The following TFDP2 variants were observed in gnomAD, a reference collection of about 807,000 sequenced individuals.
The protein encoded by TFDP2 is transcription factor Dp-2 (E2F dimerization partner 2).
Under a neutral mutation model 59.3 loss-of-function variants are expected in TFDP2, and 17 were observed. That is an observed-to-expected ratio of 0.29 (90% CI 0.20 to 0.43). The LOEUF (loss-of-function observed/expected upper bound fraction) is 0.43. TFDP2 is among the 20% of genes least tolerant of loss of function. The probability of loss-of-function intolerance (pLI) is 1.00; values close to 1 mark genes in which losing one functional copy is unlikely to be tolerated. For missense variants in TFDP2, 391 were observed against 528.8 expected, an observed-to-expected ratio of 0.74 and a Z score of 2.56; for synonymous variants, 180 against 194.7, an observed-to-expected ratio of 0.92 and a Z score of 0.63.
intron 2 of TFDP2, among the ~76,000 whole-genome samples, chr3:142,096,340 T>C (rs1200514737): frequency 1.3e-5 from 2 of 152,212 alleles, no homozygotes; most frequent in Non-Finnish European, 2.9e-5. Context: ...GTAGAAAAAG[T>C]TGGCTAGCGA....
rs60581045 is a variant in TFDP2 at position 142,075,906 on chromosome 3, CA to C, written c.82+17154del. Among the ~76,000 whole-genome samples the C allele has an allele frequency of 4.1e-3, 328 of 80,690 alleles. 1 individual carries two copies. The highest frequency in any genetic ancestry group is 9.4e-3 in the Middle Eastern group (1 of 106). The allele number at this position is 80,690 out of a possible 152,430, so 52.9% of individuals were successfully genotyped here. On this transcript the variant is annotated intron_variant, in intron 3 of 12. Coordinates refer to ENST00000489671, the MANE Select transcript of TFDP2 (RefSeq NM_001178139.2). ...TGGGCAACAGAGCCAGAACCTGCCT[CA>C]AAAAAAAAAAAAAAAAAGGCTTTCC...
Position 142,012,854 on chromosome 3 carries a change from T to G in TFDP2, c.83-7310A>C, listed in dbSNP as rs11569182. ...CTTGTTTTATAATTTTAAAAGCTAC[T>G]GTTGCCAGGCGCGGTGGCTCACGCT... On this transcript the variant is annotated intron_variant, in intron 3 of 12. Coordinates refer to ENST00000489671, the MANE Select transcript of TFDP2 (RefSeq NM_001178139.2). 1.6e-3 allele frequency among the ~76,000 whole-genome samples: 243 copies of G among 152,198 alleles called. 3 individuals are homozygous for G. In the East Asian group the frequency reaches 0.042, roughly 26 times the overall value.
At chr3:141,991,621 C>T (rs750675597) in intron 6 of TFDP2, among the ~76,000 whole-genome samples, 37 of 151,828 alleles carry the variant, frequency 2.4e-4, no homozygotes, top group Admixed American at 6.6e-4. Context: ...AGCGGGCACA[C>T]GCCTGTAGTC....
At chr3:142,028,920 T>A (rs1329185240) in intron 3 of TFDP2, 1 of 160,462 alleles carries the variant, frequency 6.2e-6, no homozygotes, top group Non-Finnish European at 1.3e-5. Context: ...CACTTGATCT[T>A]AGCCAAAAGG....
intron 3 of TFDP2, among the ~76,000 whole-genome samples, chr3:142,041,555 G>A (rs1946971743): frequency 6.6e-6 from 1 of 152,174 alleles, no homozygotes; most frequent in African/African-American, 2.4e-5. Flanking sequence ...CCATGATTGT[G>A]AGGCCTCCCC....
chr3:142,090,188 T>C (rs1156889627), intron 3 of TFDP2, among the ~76,000 whole-genome samples: 1 of 152,134 alleles, frequency 6.6e-6, no homozygotes, highest in Non-Finnish European at 1.5e-5. Context: ...TTCAGCCAGG[T>C]GCAGTGACAC....
At chr3:142,037,287 A>G (rs1015457111) in intron 3 of TFDP2, among the ~76,000 whole-genome samples, 34 of 152,232 alleles carry the variant, frequency 2.2e-4, no homozygotes, top group African/African-American at 7.7e-4. Context: ...AGGAAGTTAC[A>G]GTCTACTGGA....
chr3:142,007,430 T>C (rs1412813853), intron 3 of TFDP2, among the ~76,000 whole-genome samples: 3 of 152,098 alleles, frequency 2.0e-5, no homozygotes, highest in Non-Finnish European at 2.9e-5. Flanking sequence ...GACCACCATA[T>C]TTGTTATTTC....
chr3:141,995,406 T>A (rs1943176598), intron 4 of TFDP2, among the ~76,000 whole-genome samples: 5 of 152,316 alleles, frequency 3.3e-5, no homozygotes, highest in Admixed American at 3.3e-4. Context: ...AGTAGAGAAC[T>A]GATAATGCTT....
chr3:141,961,291 TG>T (rs1937334076), intron 10 of TFDP2, among the ~76,000 whole-genome samples: 1 of 144,398 alleles, frequency 6.9e-6, no homozygotes, highest in Non-Finnish European at 1.5e-5. Context: ...TCGCCCAGGC[TG>T]GAGTGCAGTG....
At chr3:141,968,687 GAT>G (rs1331078645) in intron 9 of TFDP2, among the ~76,000 whole-genome samples, 7 of 79,994 alleles carry the variant, frequency 8.8e-5, no homozygotes, top group African/African-American at 2.6e-4. Context: ...CTCATATATA[GAT>G]ATATATAACA....
chr3:142,149,081 A>C (rs1377987288), intron 1 of TFDP2, 102 bp downstream of exon 1: 1 of 394,712 alleles, frequency 2.5e-6, no homozygotes, highest in Non-Finnish European at 4.5e-6. Context: ...TGGGGGAACA[A>C]GGGGGCCCCT....
intron 3 of TFDP2, among the ~76,000 whole-genome samples, chr3:142,014,647 C>T (rs1273491908): frequency 1.3e-5 from 2 of 152,048 alleles, no homozygotes; most frequent in Non-Finnish European, 2.9e-5. Context: ...CTTCTGTCAC[C>T]TCAACTGGCC....
intron 8 of TFDP2, among the ~76,000 whole-genome samples, chr3:141,973,099 A>ATG (rs1940017840): frequency 3.2e-5 from 3 of 94,578 alleles, no homozygotes; most frequent in African/African-American, 1.3e-4. Flanking sequence ...ATGTGTATAT[A>ATG]TATATATATA....
intron 3 of TFDP2, among the ~76,000 whole-genome samples, chr3:142,074,459 T>C (rs1235742372): frequency 6.6e-6 from 1 of 151,972 alleles, no homozygotes; most frequent in African/African-American, 2.4e-5. Flanking sequence ...ACACCTGCAA[T>C]CCCAACACTT....
At chr3:141,988,466 C>G (rs1323646559) in intron 6 of TFDP2, among the ~76,000 whole-genome samples, 1 of 152,040 alleles carries the variant, frequency 6.6e-6, no homozygotes, top group Non-Finnish European at 1.5e-5. Context: ...GTGGAAGTCC[C>G]TCAACTTTCT....
In TFDP2 at chr3:141,952,964, G is replaced by C. The variant is rs781774808; in HGVS notation, c.1104C>G (p.Thr368=). 6.2e-7 allele frequency: 1 copy of C among 1,614,066 alleles called. No homozygotes were observed. Among genetic ancestry groups the C allele is most frequent in the East Asian group, 2.2e-5 (1 of 44,870 alleles). The stretch of plus-strand genomic sequence containing the variant: ...TCAGGTCTAAATTTGAAACTGATTG[G>C]GTAGAGTTCAGAAGTAGTCCCTGAT... ...WLNQGLLLNS[T]QSVSNLDLTT... is the part of the protein sequence containing the mutation. The change falls in exon 12 of 13, where the codon ACC becomes ACG. Residue 368 remains threonine, a synonymous_variant. Transcript: ENST00000489671.
intron 3 of TFDP2, among the ~76,000 whole-genome samples, chr3:142,073,833 T>A (rs954003392): frequency 2.0e-5 from 3 of 152,166 alleles, no homozygotes; most frequent in Non-Finnish European, 4.4e-5. Flanking sequence ...ACTAGATAAA[T>A]GTTCCATTTG....
At chr3:142,005,743 G>C (rs1330764326) in intron 3 of TFDP2, among the ~76,000 whole-genome samples, 199 bp from the exon 4 acceptor site, 1 of 152,108 alleles carries the variant, frequency 6.6e-6, no homozygotes, top group African/African-American at 2.4e-5. Flanking sequence ...TAATTTTGCT[G>C]CATAACTAAT....
Sources: allele counts gnomAD v4.1 joint callset (sites outside exome capture counted in the v4.1 genomes callset), GRCh38; gene constraint gnomAD v4.1.1; transcripts MANE v1.5; gene names NCBI Gene and HGNC (gene_info 2026-07-23, HGNC 2026-07-21).